ST6GAL2: variants seen among roughly 807,000 people sequenced by gnomAD.
ST6GAL2 encodes the protein ST6 beta-galactoside alpha-2,6-sialyltransferase 2, also known as beta-galactoside alpha-2,6-sialyltransferase 2.
A neutral mutation model predicts 37.5 loss-of-function variants in ST6GAL2; 24 were observed. That is an observed-to-expected ratio of 0.64 (90% CI 0.46 to 0.90). The LOEUF is 0.90. ST6GAL2 is among the 40% of genes least tolerant of loss of function. The pLI is 0.00. For missense variants in ST6GAL2, 715 were observed against 712.7 expected (o/e 1.00, Z -0.04); for synonymous variants, 306 against 295.1 (o/e 1.04, Z -0.38).
intron 2 of ST6GAL2, among the ~76,000 whole-genome samples, chr2:106,842,708 GAGA>G (rs1676942245): frequency 6.6e-6 from 1 of 152,136 alleles, no homozygotes; most frequent in Admixed American, 6.5e-5. Context: ...TCTGAACAGT[GAGA>G]AGGACGCCGG....
intron 4 of ST6GAL2, 22 bp downstream of exon 4, chr2:106,832,543 G>A: frequency 5.9e-6 from 8 of 1,355,238 alleles, no homozygotes; most frequent in Non-Finnish European, 7.2e-6. Context: ...GTTGGGGTGG[G>A]CAAATCCAGG....
At chr2:106,870,859 G>A (rs1197892050) in intron 1 of ST6GAL2, among the ~76,000 whole-genome samples, 3 of 152,160 alleles carry the variant, frequency 2.0e-5, no homozygotes, top group African/African-American at 7.2e-5. Flanking sequence ...CGGCTCATAA[G>A]GAAAATGAAA....
At chr2:106,807,391 GC>G (rs1675452182) in intron 5 of ST6GAL2, among the ~76,000 whole-genome samples, 1 of 152,118 alleles carries the variant, frequency 6.6e-6, no homozygotes, top group African/African-American at 2.4e-5. Flanking sequence ...TAAAATAGTT[GC>G]TTGATTATAA....
At chr2:106,850,439 T>C (rs1677312674) in intron 1 of ST6GAL2, among the ~76,000 whole-genome samples, 1 of 152,148 alleles carries the variant, frequency 6.6e-6, no homozygotes, top group Non-Finnish European at 1.5e-5. Context: ...TGCACAAGAA[T>C]AATAGGAAGG....
At chr2:106,837,366 C>T (rs1222176929) in intron 2 of ST6GAL2, among the ~76,000 whole-genome samples, 1 of 152,100 alleles carries the variant, frequency 6.6e-6, no homozygotes, top group Non-Finnish European at 1.5e-5. Context: ...CTAAGAAGCC[C>T]CTGTCTCATG....
chr2:106,844,132 G>A, intron 1 of ST6GAL2, 98 bp from the exon 2 acceptor site: 1 of 593,480 alleles, frequency 1.7e-6, no homozygotes, highest in Non-Finnish European at 2.8e-6. Flanking sequence ...AGGTGGTGGG[G>A]TGGGGTTGTA....
At chr2:106,854,929 C>CAA (rs34470697) in intron 1 of ST6GAL2, among the ~76,000 whole-genome samples, 20 of 131,056 alleles carry the variant, frequency 1.5e-4, no homozygotes, top group East Asian at 1.0e-3. Flanking sequence ...TTATTTTTTC[C>CAA]AAAAAAAAAA....
At chr2:106,876,033 T>C (rs1050855831) in intron 1 of ST6GAL2, among the ~76,000 whole-genome samples, 5 of 152,172 alleles carry the variant, frequency 3.3e-5, no homozygotes, top group South Asian at 4.1e-4. Context: ...GGAACAATCA[T>C]AGCTCACTGC....
Position 106,806,519 on chromosome 2 carries a change from A to T in ST6GAL2, c.*159T>A. 1 of 834,366 alleles carries T rather than the reference A, an allele frequency of 1.2e-6. No individual in the cohort carries two copies. The highest frequency in any genetic ancestry group is 1.8e-6 in the Non-Finnish European group (1 of 541,736). The allele number at this position is 834,366 out of a possible 1,614,324, so 51.7% of individuals were successfully genotyped here. ...TTCTATGTTCAAAGCAGTAATACAT[A>T]CTCAATGGCTTAGAAAGAGAAGGAT... On this transcript the variant is annotated 3_prime_UTR_variant, in exon 6 of 6. Coordinates refer to ENST00000409382, the MANE Select transcript of ST6GAL2 (RefSeq NM_001142351.2).
chr2:106,813,631 A>G (rs1375493074), intron 5 of ST6GAL2, among the ~76,000 whole-genome samples: 1 of 152,270 alleles, frequency 6.6e-6, no homozygotes, highest in Non-Finnish European at 1.5e-5. Context: ...CACTTGGCAG[A>G]ATATTTAAAA....
chr2:106,840,533 TA>T (rs1660007958), intron 2 of ST6GAL2, among the ~76,000 whole-genome samples: 1 of 152,174 alleles, frequency 6.6e-6, no homozygotes, highest in African/African-American at 2.4e-5. Context: ...CAAACAACCC[TA>T]GACAAAACAA....
At chr2:106,852,181 A>G (rs1677391933) in intron 1 of ST6GAL2, among the ~76,000 whole-genome samples, 1 of 152,224 alleles carries the variant, frequency 6.6e-6, no homozygotes, top group Non-Finnish European at 1.5e-5. Flanking sequence ...ACAGAAAGAA[A>G]AAGGTCGGCC....
At chr2:106,835,300 C>T (rs1344632512) in intron 2 of ST6GAL2, among the ~76,000 whole-genome samples, 2 of 150,980 alleles carry the variant, frequency 1.3e-5, no homozygotes, top group African/African-American at 5.0e-5. Flanking sequence ...ATTTATAGTC[C>T]CCGAGCCCGC....
intron 5 of ST6GAL2, chr2:106,813,129 T>G (rs1675671786): frequency 1.3e-5 from 16 of 1,247,612 alleles, no homozygotes; most frequent in Non-Finnish European, 1.6e-5. Flanking sequence ...TTTTTTTTTT[T>G]TGAGATGGAG....
At chr2:106,842,915 A>C in intron 2 of ST6GAL2, 120 bp downstream of exon 2, 1 of 610,810 alleles carries the variant, frequency 1.6e-6, no homozygotes, top group Non-Finnish European at 2.5e-6. Context: ...TATTAGGAAC[A>C]CCTGGTGCGG....
At chr2:106,849,064 T>C (rs1677255449) in intron 1 of ST6GAL2, among the ~76,000 whole-genome samples, 1 of 152,210 alleles carries the variant, frequency 6.6e-6, no homozygotes, top group African/African-American at 2.4e-5. Flanking sequence ...AAACTTTAAC[T>C]TCTCCGTTTT....
chr2:106,861,010 C>T (rs1318801394), intron 1 of ST6GAL2, among the ~76,000 whole-genome samples: 1 of 152,152 alleles, frequency 6.6e-6, no homozygotes, highest in Non-Finnish European at 1.5e-5. Context: ...GGCACCCCCG[C>T]CAAATGCCGG....
intron 1 of ST6GAL2, among the ~76,000 whole-genome samples, chr2:106,855,732 A>C (rs1677549219): frequency 6.6e-6 from 1 of 152,246 alleles, no homozygotes. Flanking sequence ...AAAATTTATA[A>C]AAGTAAAGTT....
intron 2 of ST6GAL2, among the ~76,000 whole-genome samples, chr2:106,836,307 T>C (rs1676634111): frequency 6.6e-6 from 1 of 152,180 alleles, no homozygotes; most frequent in Non-Finnish European, 1.5e-5. Flanking sequence ...TCAGACACAC[T>C]GTTGAATTGA....
Sources: allele counts gnomAD v4.1 joint callset (sites outside exome capture counted in the v4.1 genomes callset), GRCh38; gene constraint gnomAD v4.1.1; transcripts MANE v1.5; gene names NCBI Gene and HGNC (gene_info 2026-07-23, HGNC 2026-07-21).